Variants in AGAP1 observed in about 807,000 individuals in gnomAD.
AGAP1 encodes the protein ArfGAP with GTPase domain, ankyrin repeat and PH domain 1.
In AGAP1, 29 loss-of-function variants were observed where a neutral mutation model predicts 105.3. That is an observed-to-expected ratio of 0.28 (90% CI 0.21 to 0.38). The LOEUF is 0.38. Among genes scored for constraint, AGAP1 ranks in the 10% least tolerant of loss-of-function variants. The pLI is 1.00. For synonymous variants in AGAP1, 509 were observed against 485.9 expected (o/e 1.05, Z -0.63); for missense variants, 998 against 1,165.1 (o/e 0.86, Z 2.09).
At chr2:235,756,378 CTT>C (rs1953927830) in intron 6 of AGAP1, among the ~76,000 whole-genome samples, 1 of 152,044 alleles carries the variant, frequency 6.6e-6, no homozygotes, top group Non-Finnish European at 1.5e-5. Flanking sequence ...ATTATGGTGT[CTT>C]TGTGGTAGCT....
rs1951560148 is a variant in AGAP1, at chr2:235,724,625, C to T, written c.310+6981C>T. On this transcript the variant is annotated intron_variant, in intron 3 of 17. Coordinates refer to ENST00000304032, the MANE Select transcript of AGAP1 (RefSeq NM_001037131.3). The surrounding 1 kb of genome is among the most constrained non-coding windows in gnomAD (Gnocchi z 4.9). ...TCCCTATGTAAAGAAGAGTCCAAAACAGATAAGGGAGACTGAAGAAACCTG... is the reference window on the plus strand; with the variant it reads ...TCCCTATGTAAAGAAGAGTCCAAAATAGATAAGGGAGACTGAAGAAACCTG... 6.6e-6 allele frequency among the ~76,000 whole-genome samples: 1 copy of T among 152,098 alleles called. No homozygotes were observed. Among genetic ancestry groups the T allele is most frequent in the African/African-American group, 2.4e-5 (1 of 41,412 alleles).
At chr2:235,990,726 T>G (rs1257510452) in intron 13 of AGAP1, among the ~76,000 whole-genome samples, 2 of 152,174 alleles carry the variant, frequency 1.3e-5, no homozygotes, top group African/African-American at 4.8e-5. Flanking sequence ...GGGTCTAGGG[T>G]AGCAGAAATA....
chr2:235,966,335 G>T (rs2054396535), intron 12 of AGAP1, among the ~76,000 whole-genome samples: 1 of 151,894 alleles, frequency 6.6e-6, no homozygotes, highest in African/African-American at 2.4e-5. Context: ...ATGGAGAGAG[G>T]GGAGCCTGTT....
chr2:236,081,684 T>G (rs957913762), intron 16 of AGAP1, among the ~76,000 whole-genome samples: 4 of 150,770 alleles, frequency 2.7e-5, no homozygotes, highest in African/African-American at 9.7e-5. Context: ...TTTTTTTTTT[T>G]GCAGGGCAAT....
intron 13 of AGAP1, among the ~76,000 whole-genome samples, chr2:235,969,455 A>G (rs949777113): frequency 2.0e-5 from 3 of 152,168 alleles, no homozygotes; most frequent in African/African-American, 4.8e-5. Context: ...CAATGGTGAG[A>G]GAGTGTGGTT....
At chr2:235,954,814 A>G (rs1169744818) in intron 12 of AGAP1, among the ~76,000 whole-genome samples, 1 of 152,000 alleles carries the variant, frequency 6.6e-6, no homozygotes, top group Admixed American at 6.6e-5. Flanking sequence ...TCTTTAGGGC[A>G]GGAGCTTTGT....
Position 235,923,706 on chromosome 2 carries a change from C to T in AGAP1, c.1325-7059C>T, listed in dbSNP as rs202107170. 2.0e-5 allele frequency among the ~76,000 whole-genome samples: 3 copies of T among 152,138 alleles called. No homozygotes were observed. In the East Asian group the frequency reaches 5.8e-4, roughly 29 times the overall value. Reference sequence around the variant, plus strand: ...TCCTTGTTGTCATTGGGTAATGTTCCGTTGTGCCGTGATGTACCTACAGTG... The same window carrying T: ...TCCTTGTTGTCATTGGGTAATGTTCTGTTGTGCCGTGATGTACCTACAGTG... On this transcript the variant is annotated intron_variant, in intron 11 of 17. Coordinates refer to ENST00000304032, the MANE Select transcript of AGAP1 (RefSeq NM_001037131.3).
chr2:235,878,819 C>T (rs904517229), intron 9 of AGAP1, among the ~76,000 whole-genome samples: 4 of 152,116 alleles, frequency 2.6e-5, no homozygotes, highest in Admixed American at 2.0e-4. Flanking sequence ...TGGGGTGCAG[C>T]GGGAAGATAA....
At chr2:235,602,446 C>T (rs1405950748) in intron 1 of AGAP1, among the ~76,000 whole-genome samples, 1 of 152,308 alleles carries the variant, frequency 6.6e-6, no homozygotes, top group East Asian at 1.9e-4. Context: ...ACCTCTTTGC[C>T]CGCCAGGCTC....
At chr2:235,774,071 A>G in intron 6 of AGAP1, 1 of 436,842 alleles carries the variant, frequency 2.3e-6, no homozygotes, top group East Asian at 7.1e-5. Flanking sequence ...TAAATTTCTT[A>G]ATCTCAGATT....
rs1469044163 is a variant in AGAP1 at position 236,119,249 on chromosome 2, C to T, written c.2115-943C>T. Among the ~76,000 whole-genome samples, 4 of 152,208 alleles carry T rather than the reference C, an allele frequency of 2.6e-5. No individual in the cohort carries two copies. The highest frequency in any genetic ancestry group is 5.9e-5 in the Non-Finnish European group (4 of 68,046). On this transcript the variant is annotated intron_variant, in intron 16 of 17. Coordinates refer to ENST00000304032, the MANE Select transcript of AGAP1 (RefSeq NM_001037131.3). This position sits in a 1 kb window ranked among gnomAD's most constrained non-coding sequence, Gnocchi z 6.6. ...TCCCCAGCTTTGTCCTCTCCTCTGC[C>T]TCTGGGCTCAGCTCTGGCTTCTGGG...
At chr2:236,057,694 T>C (rs889002001) in intron 16 of AGAP1, among the ~76,000 whole-genome samples, 1 of 152,318 alleles carries the variant, frequency 6.6e-6, no homozygotes, top group East Asian at 1.9e-4. Context: ...TGGAGCCATG[T>C]CTCAGGCCAT....
intron 11 of AGAP1, among the ~76,000 whole-genome samples, chr2:235,916,351 C>G (rs1456005607): frequency 6.6e-6 from 1 of 152,224 alleles, no homozygotes; most frequent in Non-Finnish European, 1.5e-5. Flanking sequence ...TTTGGAGAAT[C>G]TTCCCAACTT....
intron 1 of AGAP1, among the ~76,000 whole-genome samples, chr2:235,657,384 GTTA>G (rs1348722853): frequency 1.3e-5 from 2 of 152,058 alleles, no homozygotes; most frequent in African/African-American, 2.4e-5. Flanking sequence ...TGTTGTTGTT[GTTA>G]TTATTATTTG....
rs1395564471 is a variant in AGAP1, at chr2:235,801,917, A to AT, written c.957+2396dup. ...AGTATCTTTAAAAATGAGACTATTT[A>AT]TAAGGAGAATACCAGCACCTTCCCA... On this transcript the variant is annotated intron_variant, in intron 8 of 17. Transcript: ENST00000304032. The surrounding 1 kb of genome is among the most constrained non-coding windows in gnomAD (Gnocchi z 6.0). 1.3e-5 allele frequency among the ~76,000 whole-genome samples: 2 copies of AT among 152,086 alleles called. No homozygotes were observed. The highest frequency in any genetic ancestry group is 6.5e-5 in the Admixed American group (1 of 15,272).
Position 235,784,554 on chromosome 2 carries a change from G to A in AGAP1, c.674-13205G>A, listed in dbSNP as rs1956490604. 4.2e-5 allele frequency among the ~76,000 whole-genome samples: 6 copies of A among 144,196 alleles called. No homozygotes were observed. In the Admixed American group the frequency reaches 4.3e-4, roughly 10 times the overall value. The allele number at this position is 144,196 out of a possible 152,430, so 94.6% of individuals were successfully genotyped here. ...CCCTTTTAATTACCTGAGGTGCTGT[G>A]AGCGATTACAATGGCAATTGATAAA... On this transcript the variant is annotated intron_variant, in intron 6 of 17. Coordinates refer to ENST00000304032, the MANE Select transcript of AGAP1 (RefSeq NM_001037131.3).
At position 235,643,431 on chromosome 2, in the gene AGAP1, C is replaced by CAAAAAAA. The variant is rs56146940; in HGVS notation, c.164-65725_164-65719dup. On this transcript the variant is annotated intron_variant, in intron 1 of 17. Transcript: ENST00000304032. ...GGGCAACAAGAGAGAGACTGGGTCTCAAAAAAAAAAAAAAAAAAAAAAAAA... is the reference window on the plus strand; with the variant it reads ...GGGCAACAAGAGAGAGACTGGGTCTCAAAAAAAAAAAAAAAAAAAAAAAAAAAAAAAA... Among the ~76,000 whole-genome samples, 89 of 61,412 alleles carry CAAAAAAA rather than the reference C, an allele frequency of 1.4e-3. 2 individuals are homozygous for CAAAAAAA. Among genetic ancestry groups the CAAAAAAA allele is most frequent in the African/African-American group, 5.4e-3 (79 of 14,574 alleles). The allele number at this position is 61,412 out of a possible 152,430, so 40.3% of individuals were successfully genotyped here.
rs778896992 is a variant in AGAP1 at position 235,800,103 on chromosome 2, CT to C, written c.957+597del. 8.6e-3 allele frequency among the ~76,000 whole-genome samples: 1,184 copies of C among 138,380 alleles called. 2 individuals are homozygous for C. Among genetic ancestry groups the C allele is most frequent in the African/African-American group, 0.023 (876 of 37,686 alleles). The allele number at this position is 138,380 out of a possible 152,430, so 90.8% of individuals were successfully genotyped here. A position where few individuals can be genotyped will look rare whatever the true frequency, so the allele number is the denominator to read the frequency against. On this transcript the variant is annotated intron_variant, in intron 8 of 17. Coordinates refer to ENST00000304032, the MANE Select transcript of AGAP1 (RefSeq NM_001037131.3). The stretch of plus-strand genomic sequence containing the variant: ...GGGTGCACTCGGGCATGCATTGTTC[CT>C]TTTTTTTTTTTTTTTCTTTTGAGAC...
chr2:235,821,749 G>A (rs951267998), intron 9 of AGAP1, among the ~76,000 whole-genome samples: 1 of 152,086 alleles, frequency 6.6e-6, no homozygotes, highest in Non-Finnish European at 1.5e-5. Flanking sequence ...TTCCTGAAAT[G>A]TTCTTTTTAA....
Sources: gnomAD v4.1 joint callset for allele counts (sites outside exome capture counted in the v4.1 genomes callset) on GRCh38, gnomAD v4.1.1 for gene constraint, Gnocchi (gnomAD v3.1) non-coding constraint, MANE v1.5 for transcripts, NCBI Gene and HGNC (gene_info 2026-07-23, HGNC 2026-07-21) for gene names.